Variants in DEK observed in about 807,000 individuals in gnomAD.
DEK encodes the protein protein DEK.
Under a neutral mutation model 46.8 loss-of-function variants are expected in DEK, and 28 were observed. The ratio of observed to expected loss-of-function variants is 0.60; its 90% CI spans 0.44 to 0.82. DEK has a LOEUF of 0.82. DEK is among the 40% of genes least tolerant of loss of function. DEK has a pLI of 0.00. For synonymous variants in DEK, 160 were observed against 144.5 expected (o/e 1.11, Z -0.77); for missense variants, 416 against 430.6 (o/e 0.97, Z 0.30).
At chr6:18,237,261 C>T (rs764260151) in intron 8 of DEK, 120 bp downstream of exon 8, 1 of 1,216,820 alleles carries the variant, frequency 8.2e-7, no homozygotes, top group Non-Finnish European at 1.1e-6. Flanking sequence ...ACCTGTATTA[C>T]TTCTCCCCGC....
intron 6 of DEK, among the ~76,000 whole-genome samples, chr6:18,252,532 A>AAG (rs1554161597): frequency 8.8e-5 from 13 of 148,144 alleles, no homozygotes; most frequent in South Asian, 4.3e-4. Context: ...AAAAAAAAAA[A>AAG]AAAGAAAATA....
intron 7 of DEK, among the ~76,000 whole-genome samples, chr6:18,247,687 T>C (rs1791183382): frequency 6.6e-6 from 1 of 152,158 alleles, no homozygotes; most frequent in Non-Finnish European, 1.5e-5. Context: ...CGTTTTTTTT[T>C]TTTGAGACGG....
intron 9 of DEK, among the ~76,000 whole-genome samples, chr6:18,235,359 T>C (rs1790602598): frequency 6.6e-6 from 1 of 152,218 alleles, no homozygotes; most frequent in Non-Finnish European, 1.5e-5. Context: ...GTTGAACTAA[T>C]ACTATTCCTT....
At position 18,223,864 on chromosome 6, in the gene DEK, G is replaced by T. The variant is rs1582241723; in HGVS notation, c.*1855C>A. ...TAGACTTTCACATGTACTCTGTACT[G>T]TAGTGGTGATACATCCATTTAATAA... On this transcript the variant is annotated 3_prime_UTR_variant, in exon 11 of 11. Coordinates refer to ENST00000652689, the MANE Select transcript of DEK (RefSeq NM_003472.4). 1 of 152,194 alleles carries T rather than the reference G, an allele frequency of 6.6e-6. No homozygotes were observed. Among genetic ancestry groups the T allele is most frequent in the Non-Finnish European group, 1.5e-5 (1 of 68,036 alleles). The allele number at this position is 152,194 out of a possible 1,614,324, so 9.4% of individuals were successfully genotyped here.
At chr6:18,251,939 C>A (rs1791393154) in intron 6 of DEK, among the ~76,000 whole-genome samples, 4 of 151,952 alleles carry the variant, frequency 2.6e-5, no homozygotes, top group African/African-American at 4.8e-5. Context: ...AAATGCAATT[C>A]CCAAAAGTAA....
At chr6:18,239,154 C>T (rs1790795269) in intron 7 of DEK, among the ~76,000 whole-genome samples, 1 of 152,020 alleles carries the variant, frequency 6.6e-6, no homozygotes, top group Non-Finnish European at 1.5e-5. Flanking sequence ...GAACTCCCGA[C>T]CTCAGGTGAT....
rs539475954 is a variant in DEK at position 18,242,488 on chromosome 6, A to G, written c.763-4972T>C. 1.5e-4 allele frequency among the ~76,000 whole-genome samples: 23 copies of G among 152,306 alleles called. 1 individual carries two copies. The highest frequency in any genetic ancestry group is 5.5e-4 in the African/African-American group (23 of 41,568). ...AAATGGAAAATTCCAGAAGTAAACA[A>G]CTCATAAATTTAAAATTGCATGCTG... On this transcript the variant is annotated intron_variant, in intron 7 of 10. Coordinates refer to ENST00000652689, the MANE Select transcript of DEK (RefSeq NM_003472.4).
At chr6:18,254,259 A>T (rs1314737924) in intron 6 of DEK, among the ~76,000 whole-genome samples, 1 of 152,116 alleles carries the variant, frequency 6.6e-6, no homozygotes, top group African/African-American at 2.4e-5. Flanking sequence ...TGAACCTGGG[A>T]GACAGTGGTT....
chr6:18,240,509 T>C (rs1248364312), intron 7 of DEK, among the ~76,000 whole-genome samples: 1 of 152,074 alleles, frequency 6.6e-6, no homozygotes, highest in Non-Finnish European at 1.5e-5. Context: ...TTATGGGGAG[T>C]AGATACATTA....
Position 18,263,504 on chromosome 6 carries a change from G to C in DEK, c.145+339C>G, listed in dbSNP as rs993806239. 2.6e-5 allele frequency among the ~76,000 whole-genome samples: 4 copies of C among 151,506 alleles called. No individual in the cohort carries two copies. In the South Asian group the frequency reaches 8.4e-4, roughly 32 times the overall value. ...GAACATCCACTTAGCAACTTCAAAG[G>C]TGCACACACACAGGTAAAAAAAAAA... On this transcript the variant is annotated intron_variant, in intron 2 of 10. Coordinates refer to ENST00000652689, the MANE Select transcript of DEK (RefSeq NM_003472.4).
At chr6:18,252,127 A>G (rs1791402108) in intron 6 of DEK, among the ~76,000 whole-genome samples, 1 of 152,194 alleles carries the variant, frequency 6.6e-6, no homozygotes, top group African/African-American at 2.4e-5. Flanking sequence ...CAATAGAAGG[A>G]TAGGAAAGCA....
intron 8 of DEK, 47 bp from the exon 9 acceptor site, chr6:18,236,647 C>T (rs1258959911): frequency 1.6e-6 from 2 of 1,258,214 alleles, no homozygotes; most frequent in Non-Finnish European, 1.1e-6. Context: ...AGTAAATTAA[C>T]ATTTAACAAA....
intron 7 of DEK, among the ~76,000 whole-genome samples, chr6:18,240,612 ATTCT>A (rs141487923): frequency 0.015 from 2,325 of 152,324 alleles, 21 homozygotes; most frequent in South Asian, 0.021. Flanking sequence ...AGAATGAGAA[ATTCT>A]TTGATTATGC....
At position 18,264,485 on chromosome 6, in the gene DEK, TGGCGTGAC is replaced by T. The variant is rs915733608; in HGVS notation, c.-118_-111del. ...AGGAGAAGGCGCGCGGGCCGCTGTCTGGCGTGACGCTCGCGCCGCGCGCTCGGCTCCCC... is the reference window on the plus strand; with the variant it reads ...AGGAGAAGGCGCGCGGGCCGCTGTCTGCTCGCGCCGCGCGCTCGGCTCCCC... On this transcript the variant is annotated 5_prime_UTR_variant, in exon 1 of 11. Coordinates refer to ENST00000652689, the MANE Select transcript of DEK (RefSeq NM_003472.4). 4 of 266,796 alleles carry T rather than the reference TGGCGTGAC, an allele frequency of 1.5e-5. No individual in the cohort carries two copies. Among genetic ancestry groups the T allele is most frequent in the African/African-American group, 2.3e-5 (1 of 43,496 alleles). 16.5% of individuals were successfully genotyped at this position (266,796 alleles called of 1,614,324 possible).
At chr6:18,253,571 T>G (rs1791483727) in intron 6 of DEK, among the ~76,000 whole-genome samples, 1 of 152,170 alleles carries the variant, frequency 6.6e-6, no homozygotes, top group African/African-American at 2.4e-5. Flanking sequence ...TTAACCTGGT[T>G]TCAGACCTAC....
intron 2 of DEK, among the ~76,000 whole-genome samples, chr6:18,260,552 CT>C (rs1416805097): frequency 6.6e-6 from 1 of 152,166 alleles, no homozygotes; most frequent in African/African-American, 2.4e-5. Context: ...TAAGAGTCAT[CT>C]TTTACTAGTC....
Position 18,225,597 on chromosome 6 carries a change from T to C in DEK, c.*122A>G. 1 of 1,073,638 alleles carries C rather than the reference T, an allele frequency of 9.3e-7. No individual in the cohort carries two copies. The allele number at this position is 1,073,638 out of a possible 1,614,324, so 66.5% of individuals were successfully genotyped here. ...ACACTCAAGATAAAAAGGTCAGCAG[T>C]AAGTTCTACTAACGTTGCTTAACAA... On this transcript the variant is annotated 3_prime_UTR_variant, in exon 11 of 11. Transcript: ENST00000652689.
chr6:18,231,771 A>G (rs1790423439), intron 9 of DEK, among the ~76,000 whole-genome samples: 1 of 152,226 alleles, frequency 6.6e-6, no homozygotes, highest in Non-Finnish European at 1.5e-5. Context: ...TCACAGCTGA[A>G]TTCTACCAGA....
intron 5 of DEK, 54 bp from the exon 6 acceptor site, chr6:18,255,905 G>GTTC: frequency 6.4e-7 from 1 of 1,552,744 alleles, no homozygotes; most frequent in Non-Finnish European, 8.6e-7. Flanking sequence ...GCTTACATAT[G>GTTC]TTCTCCACAA....
Sources: gnomAD v4.1 joint callset for allele counts (sites outside exome capture counted in the v4.1 genomes callset) on GRCh38, gnomAD v4.1.1 for gene constraint, MANE v1.5 for transcripts, NCBI Gene and HGNC (gene_info 2026-07-23, HGNC 2026-07-21) for gene names.